SOX10: variants seen among roughly 807,000 people sequenced by gnomAD.
The protein encoded by SOX10 is transcription factor SOX-10.
In SOX10, 3 loss-of-function variants were observed where a neutral mutation model predicts 35.0. The ratio of observed to expected loss-of-function variants is 0.09; its 90% CI spans 0.04 to 0.22. The LOEUF (loss-of-function observed/expected upper bound fraction) is 0.22, where lower values mean the gene tolerates loss of function less well. Ranked by LOEUF, SOX10 falls within the 10% of genes least tolerant of loss-of-function variation. SOX10 has a pLI of 1.00. For synonymous variants in SOX10, 285 were observed against 291.0 expected (o/e 0.98, Z 0.21); for missense variants, 436 against 655.1 (o/e 0.67, Z 3.65).
Position 37,980,592 on chromosome 22 carries a change from C to T in SOX10, c.429-2457G>A, listed in dbSNP as rs1032884739. ...ACCTCCACCCCAACCCCAAGCCCAG[C>T]CTGCCCACCATGTAAACCCAATCTC... On this transcript the variant is annotated intron_variant, in intron 2 of 3. Coordinates refer to ENST00000396884, the MANE Select transcript of SOX10 (RefSeq NM_006941.4). This position sits in a 1 kb window ranked among gnomAD's most constrained non-coding sequence, Gnocchi z 4.1. Among the ~76,000 whole-genome samples the T allele has an allele frequency of 6.6e-6, 1 of 152,182 alleles. No homozygotes were observed. The highest frequency in any genetic ancestry group is 1.5e-5 in the Non-Finnish European group (1 of 68,028).
In SOX10 at chr22:37,980,435, A is replaced by G. The variant is rs143214515; in HGVS notation, c.429-2300T>C. ...GCCAGAAGAGAGAGAGGATTCCAACATCGGATTCCGCTGCTACCTCCTAAG... is the reference window on the plus strand; with the variant it reads ...GCCAGAAGAGAGAGAGGATTCCAACGTCGGATTCCGCTGCTACCTCCTAAG... On this transcript the variant is annotated intron_variant, in intron 2 of 3. Coordinates refer to ENST00000396884, the MANE Select transcript of SOX10 (RefSeq NM_006941.4). The surrounding 1 kb of genome is among the most constrained non-coding windows in gnomAD (Gnocchi z 4.1). Among the ~76,000 whole-genome samples the G allele has an allele frequency of 6.6e-6, 1 of 152,110 alleles. No homozygotes were observed.
At position 37,973,644 on chromosome 22, in the gene SOX10, C is replaced by T. The variant is rs370951969; in HGVS notation, c.1252G>A (p.Ala418Thr). ...GAGAAGGCCGAGTAGAGGCCAGAGG[C>T]CTGGCCCGAGTGGCCATAATAGGGT... ...SGPYYGHSGQ[A>T]SGLYSAFSYM... is the part of the protein sequence containing the mutation. Residue 418 changes from alanine to threonine, a missense_variant, in exon 4 of 4, where the codon GCC becomes ACC. Physicochemically the swap from Ala to Thr is moderately conservative, Grantham distance 58. This residue lies in a region of SOX10 where 285 missense variants were observed against 402.9 expected (regional missense o/e 0.71). Coordinates refer to ENST00000396884, the MANE Select transcript of SOX10 (RefSeq NM_006941.4). 9.9e-6 allele frequency: 16 copies of T among 1,613,626 alleles called. No individual in the cohort carries two copies. Among genetic ancestry groups the T allele is most frequent in the Non-Finnish European group, 1.4e-5 (16 of 1,179,854 alleles).
At position 37,983,641 on chromosome 22, in the gene SOX10, T is replaced by G. The variant is rs1601887003; in HGVS notation, c.144A>C (p.Pro48=). The G allele has an allele frequency of 1.2e-6, 2 of 1,600,048 alleles. No homozygotes were observed. The highest frequency in any genetic ancestry group is 1.7e-5 in the Admixed American group (1 of 59,492). The change falls in exon 2 of 4, where the codon CCA becomes CCC. Residue 48 remains proline, a synonymous_variant. Transcript: ENST00000396884. This position sits in a 1 kb window ranked among gnomAD's most constrained non-coding sequence, Gnocchi z 9.5. ...GGSGLRASPG[P]GELGKVKKEQ... ...CCTTCTTGACCTTGCCCAGCTCGCCTGGCCCCGGGCTGGCTCGCAGGCCCG... is the reference window on the plus strand; with the variant it reads ...CCTTCTTGACCTTGCCCAGCTCGCCGGGCCCCGGGCTGGCTCGCAGGCCCG...
chr22:37,974,137 C>G lies in SOX10; in HGVS notation c.759G>C (p.Lys253Asn). ...TTPKTELQSGKADPKRDGRSM... is the reference protein window; with the variant it reads ...TTPKTELQSGNADPKRDGRSM... ...AGCGCCCGTCCCGCTTCGGGTCTGC[C>G]TTGCCCGACTGCAGCTCTGTCTTCG... The change falls in exon 4 of 4, where the codon AAG (lysine) becomes AAC (asparagine). Residue 253 changes from lysine to asparagine, a missense_variant. Lys to Asn is a moderately conservative substitution (Grantham distance 94). Coordinates refer to ENST00000396884, the MANE Select transcript of SOX10 (RefSeq NM_006941.4). This position sits in a 1 kb window ranked among gnomAD's most constrained non-coding sequence, Gnocchi z 5.4. 1 of 1,611,522 alleles carries G rather than the reference C, an allele frequency of 6.2e-7. No homozygotes were observed. Among genetic ancestry groups the G allele is most frequent in the Non-Finnish European group, 8.5e-7 (1 of 1,179,942 alleles).
At position 37,974,614 on chromosome 22, in the gene SOX10, A is replaced by G. The variant is rs1010542143; in HGVS notation, c.698-416T>C. 1.3e-5 allele frequency among the ~76,000 whole-genome samples: 2 copies of G among 152,060 alleles called. No homozygotes were observed. The highest frequency in any genetic ancestry group is 2.9e-5 in the Non-Finnish European group (2 of 67,992). On this transcript the variant is annotated intron_variant, in intron 3 of 3. Transcript: ENST00000396884. This position sits in a 1 kb window ranked among gnomAD's most constrained non-coding sequence, Gnocchi z 5.4. ...GTGATCCACCTGCCTCGGCCTCCCA[A>G]AGTGCTGGGATTACCATCATGAGCC...
chr22:37,983,592 C>A lies in SOX10; in HGVS notation c.193G>T (p.Asp65Tyr). The A allele has an allele frequency of 6.2e-7, 1 of 1,609,060 alleles. No individual in the cohort carries two copies. ...CGGATGCACACGGGGAACTTGTCAT[C>A]GTCCGCCTCGCCGTCCTGCTGCTCC... is the stretch of plus-strand genomic sequence containing the variant. ...KKEQQDGEAD[D>Y]DKFPVCIREA... is the part of the protein sequence containing the mutation. Residue 65 changes from aspartate to tyrosine, a missense_variant, in exon 2 of 4, where the codon GAT becomes TAT. By Grantham distance (160) the Asp-to-Tyr change is radical. This residue lies in a region of SOX10 where 97 missense variants were observed against 95.5 expected (regional missense o/e 1.02). Coordinates refer to ENST00000396884, the MANE Select transcript of SOX10 (RefSeq NM_006941.4). The surrounding 1 kb of genome is among the most constrained non-coding windows in gnomAD (Gnocchi z 9.5).
chr22:37,973,846 C>A lies in SOX10; in HGVS notation c.1050G>T (p.Val350=). Residue 350 remains valine, a synonymous_variant, in exon 4 of 4, where the codon GTG becomes GTT. Transcript: ENST00000396884. Reference sequence around the variant, plus strand: ...CTGTCTTCACCTGGGCTTTGGCATCCACACCAGGTGGTGAGACCGTGGGCA... The same window carrying A: ...CTGTCTTCACCTGGGCTTTGGCATCAACACCAGGTGGTGAGACCGTGGGCA... The part of the protein sequence containing the change: ...VALPTVSPPG[V]DAKAQVKTET... 1 of 1,606,486 alleles carries A rather than the reference C, an allele frequency of 6.2e-7. No homozygotes were observed. The highest frequency in any genetic ancestry group is 8.5e-7 in the Non-Finnish European group (1 of 1,174,954).
chr22:37,982,268 G>A (rs551467098), intron 2 of SOX10, among the ~76,000 whole-genome samples: 2 of 152,200 alleles, frequency 1.3e-5, no homozygotes, highest in Non-Finnish European at 2.9e-5. Context: ...ACTTCTATGT[G>A]ACCTTTGTGA....
chr22:37,981,711 C>T (rs1201300043), intron 2 of SOX10, among the ~76,000 whole-genome samples: 2 of 152,180 alleles, frequency 1.3e-5, no homozygotes, highest in Non-Finnish European at 2.9e-5. Context: ...CTCTTTGTCC[C>T]CTGGCACTAA....
rs1932298245 is a variant in SOX10 at position 37,978,577 on chromosome 22, G to T, written c.429-442C>A. Among the ~76,000 whole-genome samples, 1 of 152,236 alleles carries T rather than the reference G, an allele frequency of 6.6e-6. No individual in the cohort carries two copies. The highest frequency in any genetic ancestry group is 6.5e-5 in the Admixed American group (1 of 15,282). Reference sequence around the variant, plus strand: ...CAATAGAAGCAGCATGGCTGGGGGAGAACTCAGTCTCTGCTACTTACTAGC... The same window carrying T: ...CAATAGAAGCAGCATGGCTGGGGGATAACTCAGTCTCTGCTACTTACTAGC... On this transcript the variant is annotated intron_variant, in intron 2 of 3. Transcript: ENST00000396884. This position sits in a 1 kb window ranked among gnomAD's most constrained non-coding sequence, Gnocchi z 5.0.
In SOX10 at chr22:37,983,746, G is replaced by A. The variant is rs1228706802; in HGVS notation, c.39C>T (p.Ser13=). ...EEQDLSEVEL[S]PVGSEEPRCL... is the part of the protein sequence containing the mutation. ...AGCGGGGCTCCTCCGAGCCCACGGG[G>A]CTCAGCTCCACCTCCGATAGGTCCT... The change falls in exon 2 of 4, where the codon AGC becomes AGT. Residue 13 remains serine, a synonymous_variant. Transcript: ENST00000396884. The surrounding 1 kb of genome is among the most constrained non-coding windows in gnomAD (Gnocchi z 9.5). The A allele has an allele frequency of 1.3e-6, 2 of 1,485,990 alleles. No homozygotes were observed. The highest frequency in any genetic ancestry group is 1.8e-6 in the Non-Finnish European group (2 of 1,123,614). The allele number at this position is 1,485,990 out of a possible 1,614,324, so 92.1% of individuals were successfully genotyped here.
In SOX10 at chr22:37,973,969, A is replaced by G. The variant is rs139884; in HGVS notation, c.927T>C (p.His309=). 1,037,508 of 1,611,716 alleles carry G rather than the reference A, an allele frequency of 0.64. 336,474 individuals carry two copies. The highest frequency in any genetic ancestry group is 0.83 in the African/African-American group (61,941 of 75,010). The change falls in exon 4 of 4, where the codon CAT becomes CAC. Residue 309 remains histidine (H), a synonymous_variant. Coordinates refer to ENST00000396884, the MANE Select transcript of SOX10 (RefSeq NM_006941.4). ...AGCCGGCTGCTGAGTAGCTGCTCAC[A>G]TGGCCTGGGTGCCCATTGGGCGGCA... ...QYLPPNGHPG[H]VSSYSAAGYG... is the part of the protein sequence containing the mutation.
At chr22:37,975,895 A>G (rs1302606692) in intron 3 of SOX10, among the ~76,000 whole-genome samples, 1 of 152,032 alleles carries the variant, frequency 6.6e-6, no homozygotes, top group Non-Finnish European at 1.5e-5. Context: ...TGGATCTCAC[A>G]CAGACTTCTT....
chr22:37,981,426 ACTGCCACAC>A (rs1161329587), intron 2 of SOX10, among the ~76,000 whole-genome samples: 1 of 152,186 alleles, frequency 6.6e-6, no homozygotes, highest in Non-Finnish European at 1.5e-5. Context: ...AGTTTTCCTG[ACTGCCACAC>A]CTCAGGCTGG....
chr22:37,977,913 T>G lies in SOX10; in HGVS notation c.651A>C (p.Pro217=), dbSNP rs769571876. ...YKSAHLDHRH[P]GEGSPMSDGN... ...CATCTGACATGGGGGAGCCCTCTCC[T>G]GGGTGCCGGTGGTCCAAGTGGGCGC... The change falls in exon 3 of 4, where the codon CCA becomes CCC. Residue 217 remains proline, a synonymous_variant. Coordinates refer to ENST00000396884, the MANE Select transcript of SOX10 (RefSeq NM_006941.4). 35 of 1,612,906 alleles carry G rather than the reference T, an allele frequency of 2.2e-5. No individual in the cohort carries two copies. Among genetic ancestry groups the G allele is most frequent in the Non-Finnish European group, 2.7e-5 (32 of 1,179,818 alleles).
chr22:37,976,849 C>T (rs1324646640), intron 3 of SOX10, among the ~76,000 whole-genome samples: 1 of 152,090 alleles, frequency 6.6e-6, no homozygotes, highest in Non-Finnish European at 1.5e-5. Flanking sequence ...AACAAGATAG[C>T]TTATGTCTGG....
chr22:37,981,246 G>T (rs967353516), intron 2 of SOX10, among the ~76,000 whole-genome samples: 2 of 152,238 alleles, frequency 1.3e-5, no homozygotes, highest in Non-Finnish European at 2.9e-5. Flanking sequence ...GCTTGGGGAG[G>T]TTTCAGGAGA....
rs1932485233 is a variant in SOX10, at chr22:37,983,810, G to T, written c.-26C>A. On this transcript the variant is annotated 5_prime_UTR_variant, in exon 2 of 4. Coordinates refer to ENST00000396884, the MANE Select transcript of SOX10 (RefSeq NM_006941.4). The surrounding 1 kb of genome is among the most constrained non-coding windows in gnomAD (Gnocchi z 9.5). ...GTCGCCCCCGGCCGCCGCCGCCGCC[G>T]CCTCGGCCGCCTCCCCCGGGCCAGC... 21 of 1,403,558 alleles carry T rather than the reference G, an allele frequency of 1.5e-5. No homozygotes were observed. The highest frequency in any genetic ancestry group is 1.8e-5 in the Non-Finnish European group (19 of 1,077,102). 86.9% of individuals were successfully genotyped at this position (1,403,558 alleles called of 1,614,324 possible).
At position 37,972,387 on chromosome 22, in the gene SOX10, G is replaced by C. The variant is rs1424345443; in HGVS notation, c.*1108C>G. ...AGGGGCTAGAGTGGCTAGGAGAGGGGACTACTGAGATAAATAACAGGAGAC... is the reference window on the plus strand; with the variant it reads ...AGGGGCTAGAGTGGCTAGGAGAGGGCACTACTGAGATAAATAACAGGAGAC... On this transcript the variant is annotated 3_prime_UTR_variant, in exon 4 of 4. Transcript: ENST00000396884. 2.3e-6 allele frequency: 1 copy of C among 431,490 alleles called. No individual in the cohort carries two copies. Among genetic ancestry groups the C allele is most frequent in the Non-Finnish European group, 4.5e-6 (1 of 222,802 alleles). The allele number at this position is 431,490 out of a possible 1,614,324, so 26.7% of individuals were successfully genotyped here.
Sources: gnomAD v4.1 joint callset for allele counts (sites outside exome capture counted in the v4.1 genomes callset) on GRCh38, gnomAD v4.1.1 for gene constraint, gnomAD v4.1.1 regional missense constraint, Gnocchi (gnomAD v3.1) non-coding constraint, MANE v1.5 for transcripts, NCBI Gene and HGNC (gene_info 2026-07-23, HGNC 2026-07-21) for gene names.